The following TEX2 variants were observed in gnomAD, a reference collection of about 807,000 sequenced individuals.
The protein encoded by TEX2 is testis expressed 2, also known as testis-expressed protein 2.
TEX2 carries 53 observed loss-of-function variants against 106.9 expected under a neutral mutation model. The observed-to-expected ratio is 0.50, with a 90% confidence interval of 0.40 to 0.62. The LOEUF (loss-of-function observed/expected upper bound fraction) is 0.62, where lower values mean the gene tolerates loss of function less well. Among genes scored for constraint, TEX2 ranks in the 20% least tolerant of loss-of-function variants. The pLI, the probability that TEX2 is intolerant of heterozygous loss-of-function variation, is 0.00. For synonymous variants in TEX2, 523 were observed against 534.8 expected, an observed-to-expected ratio of 0.98 and a Z score of 0.30; for missense variants, 1,207 against 1,379.0, an observed-to-expected ratio of 0.88 and a Z score of 1.98.
Position 64,170,622 on chromosome 17 carries a change from C to CTTTTTTTTTTTTTTTTTTTTT in TEX2, c.2671+457_2671+477dup, listed in dbSNP as rs71156002. 2.7e-5 allele frequency among the ~76,000 whole-genome samples: 2 copies of CTTTTTTTTTTTTTTTTTTTTT among 73,742 alleles called. 1 individual carries two copies. The highest frequency in any genetic ancestry group is 4.7e-5 in the Non-Finnish European group (2 of 42,534). The allele number at this position is 73,742 out of a possible 152,430, so 48.4% of individuals were successfully genotyped here. ...ATGGGAGCTTGGATCTATTCCAAAT[C>CTTTTTTTTTTTTTTTTTTTTT]TTTTTTTTTTTTTTTTTTTTTTTTT... On this transcript the variant is annotated intron_variant, in intron 7 of 11. Transcript: ENST00000584379.
At chr17:64,254,114 C>T (rs1048649599) in intron 1 of TEX2, among the ~76,000 whole-genome samples, 5 of 152,156 alleles carry the variant, frequency 3.3e-5, no homozygotes, top group South Asian at 2.1e-4. Flanking sequence ...AGAGACATTC[C>T]GCAATGCAAC....
rs554881978 is a variant in TEX2, at chr17:64,253,264, G to A, written c.-26+9904C>T. On this transcript the variant is annotated intron_variant, in intron 1 of 11. Coordinates refer to ENST00000584379, the MANE Select transcript of TEX2 (RefSeq NM_001288732.2). Reference sequence around the variant, plus strand: ...AACAATCCTCCCACCTCAGTCTCCCGAGTAATTGGGACCACAGGCACAGGC... The same window carrying A: ...AACAATCCTCCCACCTCAGTCTCCCAAGTAATTGGGACCACAGGCACAGGC... Among the ~76,000 whole-genome samples, 49 of 151,462 alleles carry A rather than the reference G, an allele frequency of 3.2e-4. 1 individual carries two copies. Among genetic ancestry groups the A allele is most frequent in the African/African-American group, 1.1e-3 (47 of 41,274 alleles).
intron 1 of TEX2, among the ~76,000 whole-genome samples, chr17:64,255,208 G>A (rs1472426325): frequency 2.0e-5 from 3 of 151,898 alleles, no homozygotes; most frequent in Non-Finnish European, 4.4e-5. Context: ...CAGTACAGTT[G>A]CTACTTAGTA....
intron 1 of TEX2, among the ~76,000 whole-genome samples, chr17:64,235,442 CAA>C (rs2033746814): frequency 6.6e-6 from 1 of 152,200 alleles, no homozygotes; most frequent in South Asian, 2.1e-4. Context: ...ACTGGAAAGA[CAA>C]AGACTTTCAC....
intron 7 of TEX2, among the ~76,000 whole-genome samples, chr17:64,161,265 G>A (rs191256106): frequency 9.8e-5 from 15 of 152,294 alleles, no homozygotes; most frequent in East Asian, 5.8e-4. Flanking sequence ...TATGCCTAGC[G>A]GAAGAAAATG....
chr17:64,195,268 C>T lies in TEX2; in HGVS notation c.1645-173G>A, dbSNP rs1031667169. 6.6e-6 allele frequency among the ~76,000 whole-genome samples: 1 copy of T among 152,126 alleles called. No individual in the cohort carries two copies. Among genetic ancestry groups the T allele is most frequent in the African/African-American group, 2.4e-5 (1 of 41,424 alleles). ...GAGAAGTGCTTAGCTGGGAGGATAA[C>T]TGGAACTGAGGAGGTTTTTGATAAC... On this transcript the variant is annotated intron_variant, in intron 2 of 11. Transcript: ENST00000584379. This position sits in a 1 kb window ranked among gnomAD's most constrained non-coding sequence, Gnocchi z 4.1.
intron 1 of TEX2, among the ~76,000 whole-genome samples, chr17:64,220,056 G>A (rs1555633110): frequency 6.6e-6 from 1 of 152,216 alleles, no homozygotes; most frequent in African/African-American, 2.4e-5. Context: ...TCAGAGTAAT[G>A]AGAGCAAGGA....
At chr17:64,228,095 C>T (rs1381425851) in intron 1 of TEX2, among the ~76,000 whole-genome samples, 2 of 152,056 alleles carry the variant, frequency 1.3e-5, no homozygotes, top group African/African-American at 4.8e-5. Flanking sequence ...CTGGTTATTT[C>T]CTTAGGAAAT....
intron 1 of TEX2, among the ~76,000 whole-genome samples, chr17:64,224,713 C>T (rs554401820): frequency 3.3e-4 from 50 of 152,172 alleles, no homozygotes; most frequent in African/African-American, 1.1e-3. Context: ...CTTCCACCAC[C>T]GCATAGACCT....
intron 1 of TEX2, among the ~76,000 whole-genome samples, chr17:64,219,618 G>GTT (rs2033300954): frequency 6.6e-6 from 1 of 152,118 alleles, no homozygotes; most frequent in South Asian, 2.1e-4. Flanking sequence ...AAAGCATGAT[G>GTT]TAAGAAATGC....
chr17:64,147,906 AAG>A lies in TEX2; in HGVS notation c.*1061_*1062del, dbSNP rs1272749602. 1 of 152,632 alleles carries A rather than the reference AAG, an allele frequency of 6.6e-6. No individual in the cohort carries two copies. Among genetic ancestry groups the A allele is most frequent in the African/African-American group, 2.4e-5 (1 of 41,432 alleles). The allele number at this position is 152,632 out of a possible 1,614,324, so 9.5% of individuals were successfully genotyped here. A position where few individuals can be genotyped will look rare whatever the true frequency, so the allele number is the denominator to read the frequency against. ...GGTATTAGGTTTACTTCTCGAAGCA[AAG>A]AGAGCCCCCAACCTTGTAAACTAAA... On this transcript the variant is annotated 3_prime_UTR_variant, in exon 12 of 12. Transcript: ENST00000584379.
chr17:64,187,495 C>A (rs17562530), intron 5 of TEX2, among the ~76,000 whole-genome samples: 1 of 152,108 alleles, frequency 6.6e-6, no homozygotes, highest in Admixed American at 6.5e-5. Context: ...ATTGATCCAG[C>A]CTTCACTATG....
chr17:64,160,359 C>T (rs1331285602), intron 8 of TEX2, among the ~76,000 whole-genome samples: 1 of 152,204 alleles, frequency 6.6e-6, no homozygotes. Context: ...CTTTTAGGAG[C>T]ACCCTCTGTG....
chr17:64,177,256 T>C (rs2031651608), intron 6 of TEX2, 69 bp downstream of exon 6: 2 of 1,587,538 alleles, frequency 1.3e-6, no homozygotes, highest in Non-Finnish European at 8.6e-7. Context: ...ACTTAGGACA[T>C]AAGGGTACAA....
chr17:64,189,022 G>A (rs2032197512), intron 4 of TEX2, among the ~76,000 whole-genome samples: 2 of 152,102 alleles, frequency 1.3e-5, no homozygotes, highest in Admixed American at 1.3e-4. Context: ...ATCCCAAGTA[G>A]TGGCGAACTT....
chr17:64,177,455 G>T lies in TEX2; in HGVS notation c.2441C>A (p.Pro814His), dbSNP rs749893724. The change falls in exon 6 of 12, where the codon CCC (proline) becomes CAC (histidine). Residue 814 changes from proline (P) to histidine (H), a missense_variant. By Grantham distance (77) the Pro-to-His change is moderately conservative. Transcript: ENST00000584379. ...GGCTTCCTGTTCTTCCTCCTCAGAG[G>T]GTGGAACCTCTGGCAACTGGCAAAA... The part of the protein sequence containing the change: ...TAGKKLPEVP[P>H]SEEEEQEAWV... 6 of 1,613,114 alleles carry T rather than the reference G, an allele frequency of 3.7e-6. No homozygotes were observed. The highest frequency in any genetic ancestry group is 5.1e-6 in the Non-Finnish European group (6 of 1,179,736).
chr17:64,160,042 T>C (rs1003456007), intron 8 of TEX2, among the ~76,000 whole-genome samples: 9 of 152,220 alleles, frequency 5.9e-5, no homozygotes, highest in East Asian at 1.9e-4. Context: ...ATACTGTTGA[T>C]TCCATGCAAA....
intron 7 of TEX2, among the ~76,000 whole-genome samples, chr17:64,169,032 G>GTTATTTTC (rs1276025563): frequency 6.7e-6 from 1 of 149,714 alleles, no homozygotes; most frequent in Admixed American, 6.8e-5. Context: ...CTAAAGCTCT[G>GTTATTTTC]TTATTTTCTT....
chr17:64,226,662 T>C (rs1222647617), intron 1 of TEX2, among the ~76,000 whole-genome samples: 1 of 152,074 alleles, frequency 6.6e-6, no homozygotes, highest in African/African-American at 2.4e-5. Context: ...TTACTAAAAA[T>C]AATACAGAAT....
Sources: allele counts gnomAD v4.1 joint callset (sites outside exome capture counted in the v4.1 genomes callset), GRCh38; gene constraint gnomAD v4.1.1; non-coding constraint Gnocchi (gnomAD v3.1); transcripts MANE v1.5; gene names NCBI Gene and HGNC (gene_info 2026-07-23, HGNC 2026-07-21).